MYO1D: variants seen among roughly 807,000 people sequenced by gnomAD.
The protein encoded by MYO1D is unconventional myosin-Id.
MYO1D carries 83 observed loss-of-function variants against 122.0 expected under a neutral mutation model. The observed-to-expected ratio is 0.68, with a 90% CI of 0.57 to 0.82. The LOEUF (loss-of-function observed/expected upper bound fraction) is 0.82. Ranked by LOEUF, MYO1D falls within the 40% of genes least tolerant of loss-of-function variation. The pLI is 0.00. For synonymous variants in MYO1D, 464 were observed against 446.9 expected (o/e 1.04, Z -0.48); for missense variants, 1,157 against 1,269.5 (o/e 0.91, Z 1.35).
At chr17:32,608,381 A>G (rs1597928801) in intron 20 of MYO1D, among the ~76,000 whole-genome samples, 1 of 152,250 alleles carries the variant, frequency 6.6e-6, no homozygotes, top group Non-Finnish European at 1.5e-5. Context: ...AGGGTGCTCA[A>G]CATCAGCAGC....
At chr17:32,765,215 AAC>A (rs1277301051) in intron 7 of MYO1D, 134 bp from the exon 8 acceptor site, 1 of 692,970 alleles carries the variant, frequency 1.4e-6, no homozygotes, top group African/African-American at 1.8e-5. Context: ...AACATATAAA[AAC>A]AGTGTTTCAT....
intron 21 of MYO1D, among the ~76,000 whole-genome samples, chr17:32,581,741 TTGTGTGTGTG>T (rs35563167): frequency 6.7e-6 from 1 of 148,276 alleles, no homozygotes; most frequent in Non-Finnish European, 1.5e-5. Flanking sequence ...CCTGGCTAAT[TTGTGTGTGTG>T]TGTGTGTGTG....
At chr17:32,828,515 CAAAAAAAAAAAAAAAA>C (rs137921871) in intron 1 of MYO1D, among the ~76,000 whole-genome samples, 2 of 71,808 alleles carry the variant, frequency 2.8e-5, no homozygotes, top group African/African-American at 1.1e-4. Context: ...GACTCCGTCT[CAAAAAAAAAAAAAAAA>C]AAAAAAAAGA....
chr17:32,552,669 A>AC (rs2087028742), intron 21 of MYO1D, among the ~76,000 whole-genome samples: 1 of 152,206 alleles, frequency 6.6e-6, no homozygotes, highest in Admixed American at 6.5e-5. Flanking sequence ...ATGTTTAAGA[A>AC]CAGTCACTGC....
At chr17:32,502,302 G>GCA (rs1183864898) in intron 21 of MYO1D, among the ~76,000 whole-genome samples, 1 of 152,164 alleles carries the variant, frequency 6.6e-6, no homozygotes, top group Non-Finnish European at 1.5e-5. Context: ...GTGAAAGGTG[G>GCA]CAGACAACAG....
At chr17:32,672,020 A>G (rs1487412578) in intron 16 of MYO1D, among the ~76,000 whole-genome samples, 1 of 152,204 alleles carries the variant, frequency 6.6e-6, no homozygotes, top group Non-Finnish European at 1.5e-5. Context: ...CTGGCCCTGC[A>G]TAAGGAAACA....
At chr17:32,700,095 A>G (rs1377967076) in intron 16 of MYO1D, among the ~76,000 whole-genome samples, 1 of 152,198 alleles carries the variant, frequency 6.6e-6, no homozygotes, top group Non-Finnish European at 1.5e-5. Context: ...GAGAAAATGT[A>G]AACATAAAAA....
At chr17:32,755,751 G>C (rs887624484) in intron 10 of MYO1D, 89 bp from the exon 11 acceptor site, 20 of 1,159,384 alleles carry the variant, frequency 1.7e-5, no homozygotes, top group Non-Finnish European at 2.3e-5. Flanking sequence ...CAGGAGTTCA[G>C]GTAAAACTAC....
chr17:32,683,069 G>A (rs1423740215), intron 16 of MYO1D, among the ~76,000 whole-genome samples: 3 of 118,198 alleles, frequency 2.5e-5, no homozygotes, highest in African/African-American at 3.4e-5. Context: ...CATTCTTCAC[G>A]TAGTTCTCGA....
intron 10 of MYO1D, among the ~76,000 whole-genome samples, chr17:32,756,617 C>T (rs1333050448): frequency 6.6e-6 from 1 of 151,306 alleles, no homozygotes; most frequent in Non-Finnish European, 1.5e-5. Context: ...TTACATGACC[C>T]TGAATGACTA....
At chr17:32,769,053 G>C (rs559974425) in intron 6 of MYO1D, among the ~76,000 whole-genome samples, 1 of 152,306 alleles carries the variant, frequency 6.6e-6, no homozygotes, top group African/African-American at 2.4e-5. Flanking sequence ...ATCTTCACTG[G>C]TCTAAACTCA....
chr17:32,818,998 T>C (rs777971545), intron 1 of MYO1D, among the ~76,000 whole-genome samples: 1 of 152,232 alleles, frequency 6.6e-6, no homozygotes, highest in Non-Finnish European at 1.5e-5. Context: ...AAGTGGAATG[T>C]TAAAAACTAG....
At chr17:32,559,548 G>C (rs73981831) in intron 21 of MYO1D, among the ~76,000 whole-genome samples, 5,333 of 152,268 alleles carry the variant, frequency 0.035, 148 homozygotes, top group African/African-American at 0.074. Flanking sequence ...CTTCTGTTTT[G>C]TATACTCACT....
At chr17:32,548,807 G>A (rs1476680272) in intron 21 of MYO1D, among the ~76,000 whole-genome samples, 1 of 150,632 alleles carries the variant, frequency 6.6e-6, no homozygotes, top group African/African-American at 2.4e-5. Context: ...TCTGCCTCCC[G>A]GGTTCAAGCA....
chr17:32,656,341 G>A (rs2088476359), intron 17 of MYO1D, among the ~76,000 whole-genome samples: 1 of 152,196 alleles, frequency 6.6e-6, no homozygotes, highest in Admixed American at 6.5e-5. Flanking sequence ...AGTAGAAAGT[G>A]TAATGACTTT....
intron 1 of MYO1D, among the ~76,000 whole-genome samples, chr17:32,814,907 C>A (rs574431814): frequency 1.3e-5 from 2 of 152,330 alleles, no homozygotes; most frequent in South Asian, 4.1e-4. Context: ...CAACACATGA[C>A]TTCAAGTTAC....
intron 1 of MYO1D, among the ~76,000 whole-genome samples, chr17:32,849,768 C>G (rs1298161935): frequency 1.3e-5 from 2 of 151,960 alleles, no homozygotes; most frequent in Non-Finnish European, 2.9e-5. Context: ...ACATATGTAA[C>G]TAACCTGCAC....
chr17:32,683,562 G>A (rs929767025), intron 16 of MYO1D, among the ~76,000 whole-genome samples: 1 of 151,732 alleles, frequency 6.6e-6, no homozygotes, highest in Non-Finnish European at 1.5e-5. Context: ...TAGGCTGCTC[G>A]GGGGTCAGGG....
chr17:32,758,676 T>C (rs2089971302), intron 10 of MYO1D, among the ~76,000 whole-genome samples: 1 of 152,168 alleles, frequency 6.6e-6, no homozygotes, highest in Non-Finnish European at 1.5e-5. Flanking sequence ...TACTATAGTC[T>C]GTCTTCTTAA....
Sources: allele counts gnomAD v4.1 joint callset (sites outside exome capture counted in the v4.1 genomes callset), GRCh38; gene constraint gnomAD v4.1.1; transcripts MANE v1.5; gene names NCBI Gene and HGNC (gene_info 2026-07-23, HGNC 2026-07-21).